Variants in CCDC148 observed in about 807,000 individuals in gnomAD.
CCDC148 encodes coiled-coil domain-containing protein 148.
Under a neutral mutation model 85.7 loss-of-function variants are expected in CCDC148, and 89 were observed. The ratio of observed to expected loss-of-function variants is 1.04; its 90% CI spans 0.87 to 1.24. The LOEUF (loss-of-function observed/expected upper bound fraction) is 1.24. CCDC148 is among the 50% of genes most tolerant of loss of function. The pLI, the probability that CCDC148 is intolerant of heterozygous loss-of-function variation, is 0.00. For synonymous variants in CCDC148, 230 were observed against 213.9 expected (o/e 1.08, Z -0.66); for missense variants, 692 against 671.7 (o/e 1.03, Z -0.33).
intron 1 of CCDC148, among the ~76,000 whole-genome samples, chr2:158,406,627 T>TCTTTTTTC (rs749052687): frequency 8.1e-5 from 11 of 135,692 alleles, no homozygotes; most frequent in South Asian, 2.3e-4. Context: ...TTTTTTTTTT[T>TCTTTTTTC]TTTTTTTTTT....
At chr2:158,363,826 G>C (rs1178467275) in intron 1 of CCDC148, among the ~76,000 whole-genome samples, 1 of 151,888 alleles carries the variant, frequency 6.6e-6, no homozygotes, top group Non-Finnish European at 1.5e-5. Flanking sequence ...CAATTAGGCA[G>C]GAGAAAGAAA....
At chr2:158,328,450 T>C (rs1304001533) in intron 7 of CCDC148, among the ~76,000 whole-genome samples, 1 of 152,154 alleles carries the variant, frequency 6.6e-6, no homozygotes, top group Admixed American at 6.6e-5. Flanking sequence ...TCTTTGCTAT[T>C]GTCAATAGTG....
chr2:158,280,520 G>C (rs1690227454), intron 9 of CCDC148, among the ~76,000 whole-genome samples: 1 of 152,146 alleles, frequency 6.6e-6, no homozygotes, highest in South Asian at 2.1e-4. Context: ...AAGATCAAAA[G>C]AGACAAAGAA....
intron 12 of CCDC148, 75 bp downstream of exon 12, chr2:158,178,804 A>G: frequency 3.0e-6 from 3 of 997,346 alleles, no homozygotes; most frequent in East Asian, 2.4e-5. Flanking sequence ...AAGCCCCAGT[A>G]AGAATGCTAT....
intron 7 of CCDC148, among the ~76,000 whole-genome samples, chr2:158,330,127 T>C (rs1370637427): frequency 2.6e-5 from 4 of 152,200 alleles, no homozygotes; most frequent in African/African-American, 9.6e-5. Context: ...CCATTCAGTA[T>C]GATATTGGCT....
At chr2:158,423,925 C>T (rs1057404052) in intron 1 of CCDC148, among the ~76,000 whole-genome samples, 1 of 152,170 alleles carries the variant, frequency 6.6e-6, no homozygotes, top group Non-Finnish European at 1.5e-5. Flanking sequence ...ACAGACACTT[C>T]TCAAAAGAAG....
At chr2:158,244,323 C>T (rs1521861) in intron 10 of CCDC148, among the ~76,000 whole-genome samples, 12,501 of 152,234 alleles carry the variant, frequency 0.082, 725 homozygotes, top group Middle Eastern at 0.15. Flanking sequence ...ACAACACTCA[C>T]TTGCTAGCTC....
At chr2:158,430,128 C>G (rs956075779) in intron 1 of CCDC148, among the ~76,000 whole-genome samples, 16 of 152,124 alleles carry the variant, frequency 1.1e-4, no homozygotes, top group Admixed American at 6.5e-5. Flanking sequence ...AAAAGGCGAG[C>G]AGTTATTCGA....
At position 158,372,087 on chromosome 2, in the gene CCDC148, T is replaced by C. The variant is rs959687013; in HGVS notation, c.26-13517A>G. Among the ~76,000 whole-genome samples the C allele has an allele frequency of 2.0e-5, 3 of 151,996 alleles. No homozygotes were observed. The East Asian group carries it at 5.8e-4, about 29-fold the overall frequency. ...AAAAGGGCCCAGTTTCCATGGGACTTCAGAGTCCCACAGAGAGTGAAGGTA... is the reference window on the plus strand; with the variant it reads ...AAAAGGGCCCAGTTTCCATGGGACTCCAGAGTCCCACAGAGAGTGAAGGTA... On this transcript the variant is annotated intron_variant, in intron 1 of 13. Coordinates refer to ENST00000283233, the MANE Select transcript of CCDC148 (RefSeq NM_138803.4).
At chr2:158,438,423 T>C (rs1291878023) in intron 1 of CCDC148, among the ~76,000 whole-genome samples, 1 of 152,222 alleles carries the variant, frequency 6.6e-6, no homozygotes, top group Non-Finnish European at 1.5e-5. Context: ...GCTAGCCATA[T>C]GTAGAAAGCT....
intron 7 of CCDC148, among the ~76,000 whole-genome samples, chr2:158,330,626 T>C (rs553004118): frequency 2.0e-5 from 3 of 152,330 alleles, no homozygotes; most frequent in African/African-American, 7.2e-5. Context: ...CAGCTGTGAA[T>C]CCATCTGGTC....
chr2:158,198,174 C>T (rs1422397426), intron 11 of CCDC148, among the ~76,000 whole-genome samples: 2 of 152,116 alleles, frequency 1.3e-5, no homozygotes, highest in African/African-American at 2.4e-5. Context: ...ACTAAGAAAA[C>T]ACCTGACTCA....
At chr2:158,442,873 G>A (rs1383652292) in intron 1 of CCDC148, among the ~76,000 whole-genome samples, 2 of 152,218 alleles carry the variant, frequency 1.3e-5, no homozygotes. Context: ...TGGAGAAGCT[G>A]TGGTTTGAGA....
chr2:158,446,379 C>T (rs911314388), intron 1 of CCDC148, among the ~76,000 whole-genome samples: 2 of 151,892 alleles, frequency 1.3e-5, no homozygotes, highest in African/African-American at 4.8e-5. Context: ...TTCCATCCAC[C>T]AATTATGCAA....
intron 9 of CCDC148, among the ~76,000 whole-genome samples, chr2:158,253,648 A>C (rs759125570): frequency 6.6e-5 from 10 of 151,674 alleles, no homozygotes; most frequent in Non-Finnish European, 1.3e-4. Flanking sequence ...ACTTTTATTT[A>C]ATCCTTCAAA....
intron 1 of CCDC148, among the ~76,000 whole-genome samples, chr2:158,423,870 G>GA (rs147762484): frequency 9.2e-5 from 14 of 151,848 alleles, no homozygotes; most frequent in African/African-American, 2.4e-5. Flanking sequence ...AAATTTACAA[G>GA]AAAAAAATCA....
chr2:158,279,304 G>A (rs1180929338), intron 9 of CCDC148, among the ~76,000 whole-genome samples: 1 of 152,206 alleles, frequency 6.6e-6, no homozygotes, highest in Non-Finnish European at 1.5e-5. Context: ...GTTGAGAGAA[G>A]AAGGCTTCAG....
chr2:158,180,950 G>T (rs1414175649), intron 11 of CCDC148, among the ~76,000 whole-genome samples: 2 of 152,058 alleles, frequency 1.3e-5, no homozygotes, highest in Admixed American at 6.6e-5. Context: ...AAACCAGAAT[G>T]CTCCCTTTCT....
chr2:158,351,243 G>A (rs1023245779), intron 2 of CCDC148, among the ~76,000 whole-genome samples: 9 of 152,210 alleles, frequency 5.9e-5, no homozygotes, highest in African/African-American at 1.9e-4. Context: ...CAAGATGGCC[G>A]AATAGGAACA....
Sources: allele counts gnomAD v4.1 joint callset (sites outside exome capture counted in the v4.1 genomes callset), GRCh38; gene constraint gnomAD v4.1.1; transcripts MANE v1.5; gene names NCBI Gene and HGNC (gene_info 2026-07-23, HGNC 2026-07-21).